The following HDAC9 variants were observed in gnomAD, a reference collection of about 807,000 sequenced individuals.
HDAC9 encodes histone deacetylase 9, also known as MEF-2 interacting transcription repressor (MITR) protein.
Under a neutral mutation model 139.4 loss-of-function variants are expected in HDAC9, and 41 were observed. The observed-to-expected ratio is 0.29, with a 90% confidence interval of 0.23 to 0.38. HDAC9 has a LOEUF of 0.38. HDAC9 is among the 10% of genes least tolerant of loss of function. The pLI, the probability that HDAC9 is intolerant of heterozygous loss-of-function variation, is 1.00. For synonymous variants in HDAC9, 517 were observed against 476.2 expected, an observed-to-expected ratio of 1.09 and a Z score of -1.12; for missense variants, 1,147 against 1,297.0, an observed-to-expected ratio of 0.88 and a Z score of 1.78.
intron 1 of HDAC9, among the ~76,000 whole-genome samples, chr7:18,374,661 C>CA (rs1341539845): frequency 2.6e-4 from 39 of 151,976 alleles, no homozygotes; most frequent in Admixed American, 3.9e-4. Flanking sequence ...TATATGTGTT[C>CA]AGTCATTGAC....
At chr7:18,263,572 C>T (rs1226502004) in intron 2 of HDAC9, among the ~76,000 whole-genome samples, 1 of 151,872 alleles carries the variant, frequency 6.6e-6, no homozygotes, top group Non-Finnish European at 1.5e-5. Context: ...GTCCTCATCC[C>T]TGTGGACTCA....
chr7:18,870,031 T>A (rs1281668169), intron 21 of HDAC9, among the ~76,000 whole-genome samples: 2 of 152,114 alleles, frequency 1.3e-5, no homozygotes, highest in African/African-American at 4.8e-5. Flanking sequence ...CATTTTATTT[T>A]GAAATAATAT....
chr7:18,290,425 A>G (rs1424607521), exon 1 of HDAC9: 2 of 455,508 alleles, frequency 4.4e-6, no homozygotes, highest in African/African-American at 2.0e-5. Context: ...GCTCTTTAAT[A>G]TTATAACGGA....
intron 1 of HDAC9, among the ~76,000 whole-genome samples, chr7:18,422,836 G>A (rs1418114244): frequency 1.3e-5 from 2 of 151,796 alleles, no homozygotes; most frequent in Non-Finnish European, 2.9e-5. Context: ...CCCCTCTCAA[G>A]ACTGGTTTCC....
intron 1 of HDAC9, among the ~76,000 whole-genome samples, chr7:18,303,724 G>A (rs1455577010): frequency 6.6e-6 from 1 of 152,160 alleles, no homozygotes; most frequent in Non-Finnish European, 1.5e-5. Context: ...TGGCCATGTG[G>A]CTGAGTTCTT....
At chr7:18,793,041 G>A (rs755462385) in intron 16 of HDAC9, 6 of 338,186 alleles carry the variant, frequency 1.8e-5, no homozygotes, top group Non-Finnish European at 2.8e-5. Context: ...ATGTAATGCT[G>A]TTTGTAATGA....
intron 22 of HDAC9, among the ~76,000 whole-genome samples, chr7:18,876,824 TC>T (rs1352396871): frequency 6.6e-6 from 1 of 151,750 alleles, no homozygotes; most frequent in African/African-American, 2.4e-5. Context: ...TCCCTCAGCC[TC>T]CCTAGTAGCT....
chr7:18,379,247 A>C (rs924169818), intron 1 of HDAC9, among the ~76,000 whole-genome samples: 1 of 152,242 alleles, frequency 6.6e-6, no homozygotes, highest in African/African-American at 2.4e-5. Context: ...ATAAGTATAG[A>C]TTAAAATCGT....
At chr7:18,677,244 T>G (rs985870772) in intron 12 of HDAC9, among the ~76,000 whole-genome samples, 2 of 151,940 alleles carry the variant, frequency 1.3e-5, no homozygotes, top group African/African-American at 4.8e-5. Context: ...AAAAAGAGTT[T>G]GTGATATTTT....
chr7:18,716,576 C>A (rs966658074), intron 12 of HDAC9, among the ~76,000 whole-genome samples: 4 of 151,942 alleles, frequency 2.6e-5, no homozygotes, highest in Admixed American at 6.6e-5. Flanking sequence ...ATAGTGCAAC[C>A]AAATTAGTAA....
At chr7:18,119,881 T>C (rs1371127863) in intron 1 of HDAC9, among the ~76,000 whole-genome samples, 2 of 152,216 alleles carry the variant, frequency 1.3e-5, no homozygotes, top group Admixed American at 1.3e-4. Flanking sequence ...TAAAAGACCA[T>C]AGGTGTCATA....
At chr7:18,182,483 G>C (rs534588877) in intron 2 of HDAC9, among the ~76,000 whole-genome samples, 49 of 152,306 alleles carry the variant, frequency 3.2e-4, no homozygotes, top group Middle Eastern at 3.4e-3. Context: ...TAATTTAAAA[G>C]TTCAAGAATG....
intron 1 of HDAC9, among the ~76,000 whole-genome samples, chr7:18,336,333 T>G (rs2128654788): frequency 6.6e-6 from 1 of 151,714 alleles, no homozygotes; most frequent in Admixed American, 6.6e-5. Flanking sequence ...TCCTAACCTC[T>G]CTCTTTGTGT....
Position 18,324,470 on chromosome 7 carries a change from A to G in HDAC9, c.-42+33955A>G, listed in dbSNP as rs557593354. ...CTTTGGCATATTGTAGGTACTTCAT[A>G]ATGTTAACTTTCTACAATAGCTAAT... On this transcript the variant is annotated intron_variant, in intron 1 of 3. Coordinates refer to the HDAC9 transcript ENST00000413509. Among the ~76,000 whole-genome samples, 11 of 152,280 alleles carry G rather than the reference A, an allele frequency of 7.2e-5. No individual in the cohort carries two copies. In the South Asian group the frequency reaches 2.1e-3, roughly 29 times the overall value.
At chr7:18,566,317 A>C (rs554234112) in intron 2 of HDAC9, among the ~76,000 whole-genome samples, 1 of 152,298 alleles carries the variant, frequency 6.6e-6, no homozygotes, top group Admixed American at 6.5e-5. Flanking sequence ...CTTTCTTCAG[A>C]GTTCCTGCTT....
chr7:18,936,143 A>G (rs537241359), intron 23 of HDAC9, among the ~76,000 whole-genome samples: 3 of 152,052 alleles, frequency 2.0e-5, no homozygotes, highest in South Asian at 2.1e-4. Context: ...CATAGCACTC[A>G]CTCCCTTCAA....
intron 2 of HDAC9, among the ~76,000 whole-genome samples, chr7:18,526,298 A>G (rs1427648084): frequency 3.3e-5 from 5 of 152,160 alleles, no homozygotes; most frequent in South Asian, 2.1e-4. Context: ...ACCACCCCCA[A>G]TGCCAAAAAG....
At chr7:18,957,414 G>C (rs1438736029) in intron 24 of HDAC9, among the ~76,000 whole-genome samples, 2 of 152,120 alleles carry the variant, frequency 1.3e-5, no homozygotes, top group African/African-American at 4.8e-5. Context: ...AACAGTGCTT[G>C]ATTTCCTTAC....
At chr7:18,429,133 A>G (rs1790400171) in intron 1 of HDAC9, 1 of 152,148 alleles carries the variant, frequency 6.6e-6, no homozygotes, top group Non-Finnish European at 1.5e-5. Context: ...TGTTACTTGC[A>G]ATCGATCTCC....
Sources: allele counts gnomAD v4.1 joint callset (sites outside exome capture counted in the v4.1 genomes callset), GRCh38; gene constraint gnomAD v4.1.1; transcripts MANE v1.5; gene names NCBI Gene and HGNC (gene_info 2026-07-23, HGNC 2026-07-21).